BAIAP2L1: variants seen among roughly 807,000 people sequenced by gnomAD.
The protein encoded by BAIAP2L1 is BAR/IMD domain containing adaptor protein 2 like 1.
BAIAP2L1 carries 35 observed loss-of-function variants against 66.3 expected under a neutral mutation model. The ratio of observed to expected loss-of-function variants is 0.53; its 90% CI spans 0.40 to 0.70. BAIAP2L1 has a LOEUF of 0.70. Ranked by LOEUF, BAIAP2L1 falls within the 30% of genes least tolerant of loss-of-function variation. The pLI, the probability that BAIAP2L1 is intolerant of heterozygous loss-of-function variation, is 0.00. For synonymous variants in BAIAP2L1, 269 were observed against 248.7 expected (o/e 1.08, Z -0.77); for missense variants, 622 against 656.9 (o/e 0.95, Z 0.58).
At chr7:98,375,739 T>C (rs867929039) in intron 1 of BAIAP2L1, among the ~76,000 whole-genome samples, 5 of 98,950 alleles carry the variant, frequency 5.1e-5, no homozygotes, top group Non-Finnish European at 7.9e-5. Flanking sequence ...CGAAAGTCCA[T>C]CTCAAAAAAA....
intron 1 of BAIAP2L1, among the ~76,000 whole-genome samples, chr7:98,399,111 G>A (rs944314561): frequency 1.3e-5 from 2 of 152,130 alleles, no homozygotes; most frequent in South Asian, 4.1e-4. Flanking sequence ...CGTCTTCCGG[G>A]TCATTTAAAT....
At chr7:98,333,226 G>A (rs1340464095) in intron 3 of BAIAP2L1, among the ~76,000 whole-genome samples, 2 of 152,162 alleles carry the variant, frequency 1.3e-5, no homozygotes, top group African/African-American at 4.8e-5. Flanking sequence ...TTAGTTCCCT[G>A]ATGGCAGGGA....
chr7:98,345,289 C>T (rs1423754505), intron 3 of BAIAP2L1, among the ~76,000 whole-genome samples: 1 of 152,200 alleles, frequency 6.6e-6, no homozygotes, highest in Non-Finnish European at 1.5e-5. Flanking sequence ...ATTTGACTCT[C>T]AAGAACTTCA....
At chr7:98,362,583 A>G in intron 1 of BAIAP2L1, 151 bp from the exon 2 acceptor site, 1 of 659,484 alleles carries the variant, frequency 1.5e-6, no homozygotes. Context: ...AATGAAGCAC[A>G]CCTATTCCCT....
At chr7:98,392,711 G>A (rs1331509855) in intron 1 of BAIAP2L1, among the ~76,000 whole-genome samples, 1 of 152,118 alleles carries the variant, frequency 6.6e-6, no homozygotes, top group Non-Finnish European at 1.5e-5. Context: ...ACTGACATGG[G>A]GATATGTACG....
At chr7:98,328,679 C>CA (rs1158387861) in intron 3 of BAIAP2L1, among the ~76,000 whole-genome samples, 2,962 of 56,096 alleles carry the variant, frequency 0.053, 90 homozygotes, top group African/African-American at 0.13. Context: ...GATCCCATCT[C>CA]AAAAAAAAAA....
At position 98,292,251 on chromosome 7, in the gene BAIAP2L1, A is replaced by T; in HGVS notation, c.*1270T>A. Reference sequence around the variant, plus strand: ...TCACAGCCCCAGCACCCAGCAACACACACGGTGAGCGGCCGGGCTGGAGTG... The same window carrying T: ...TCACAGCCCCAGCACCCAGCAACACTCACGGTGAGCGGCCGGGCTGGAGTG... On this transcript the variant is annotated 3_prime_UTR_variant, in exon 14 of 14. Coordinates refer to ENST00000005260, the MANE Select transcript of BAIAP2L1 (RefSeq NM_018842.5). 1 of 261,458 alleles carries T rather than the reference A, an allele frequency of 3.8e-6. No homozygotes were observed. Among genetic ancestry groups the T allele is most frequent in the Non-Finnish European group, 7.6e-6 (1 of 132,036 alleles). The allele number at this position is 261,458 out of a possible 1,614,324, so 16.2% of individuals were successfully genotyped here.
At chr7:98,395,727 A>G (rs531752142) in intron 1 of BAIAP2L1, among the ~76,000 whole-genome samples, 6 of 152,300 alleles carry the variant, frequency 3.9e-5, no homozygotes, top group South Asian at 2.1e-4. Flanking sequence ...CTTATTTTTA[A>G]GCTGGAATAT....
At chr7:98,371,818 G>A (rs1198814294) in intron 1 of BAIAP2L1, among the ~76,000 whole-genome samples, 2 of 149,726 alleles carry the variant, frequency 1.3e-5, no homozygotes, top group African/African-American at 2.5e-5. Flanking sequence ...TTTCTGAGAC[G>A]GAGTCTCGCT....
At chr7:98,368,888 G>A (rs1480365587) in intron 1 of BAIAP2L1, among the ~76,000 whole-genome samples, 1 of 151,098 alleles carries the variant, frequency 6.6e-6, no homozygotes, top group Non-Finnish European at 1.5e-5. Context: ...GACCTGGCTT[G>A]TTTCCAGGTT....
chr7:98,350,762 C>T (rs1801982879), intron 3 of BAIAP2L1, among the ~76,000 whole-genome samples: 1 of 152,188 alleles, frequency 6.6e-6, no homozygotes, highest in South Asian at 2.1e-4. Flanking sequence ...GTGCTTAGAT[C>T]TCCCCTTCCC....
intron 12 of BAIAP2L1, among the ~76,000 whole-genome samples, chr7:98,296,894 C>G (rs1447883411): frequency 6.6e-6 from 1 of 152,218 alleles, no homozygotes; most frequent in Non-Finnish European, 1.5e-5. Flanking sequence ...GTCCCTGTCT[C>G]AACCGCATAC....
chr7:98,336,716 C>A (rs2115611713), intron 3 of BAIAP2L1, among the ~76,000 whole-genome samples: 1 of 152,358 alleles, frequency 6.6e-6, no homozygotes, highest in African/African-American at 2.4e-5. Context: ...CCTGCATAGG[C>A]ATCCAACATT....
intron 3 of BAIAP2L1, among the ~76,000 whole-genome samples, chr7:98,330,264 C>A (rs1421144260): frequency 6.6e-6 from 1 of 152,074 alleles, no homozygotes; most frequent in Non-Finnish European, 1.5e-5. Flanking sequence ...AAAAAGTGGG[C>A]AACGTGCAAG....
intron 1 of BAIAP2L1, among the ~76,000 whole-genome samples, chr7:98,362,976 C>T (rs955918004): frequency 3.3e-5 from 5 of 151,432 alleles, no homozygotes; most frequent in Non-Finnish European, 4.4e-5. Context: ...TTGCTGATGG[C>T]CCCAGGACAC....
intron 12 of BAIAP2L1, among the ~76,000 whole-genome samples, chr7:98,302,251 C>T (rs1800460029): frequency 6.6e-6 from 1 of 152,182 alleles, no homozygotes; most frequent in Non-Finnish European, 1.5e-5. Context: ...TTTATCCACA[C>T]GATAAATACG....
At chr7:98,363,641 C>A (rs990956771) in intron 1 of BAIAP2L1, among the ~76,000 whole-genome samples, 5 of 152,198 alleles carry the variant, frequency 3.3e-5, no homozygotes, top group African/African-American at 9.7e-5. Flanking sequence ...GACTTCACGA[C>A]TCACAACACG....
chr7:98,328,386 C>G (rs1220764038), intron 3 of BAIAP2L1, among the ~76,000 whole-genome samples: 1 of 152,142 alleles, frequency 6.6e-6, no homozygotes, highest in East Asian at 1.9e-4. Flanking sequence ...CCTCTTAGTA[C>G]CTGTGCATCC....
chr7:98,396,223 C>T (rs1444786451), intron 1 of BAIAP2L1, among the ~76,000 whole-genome samples: 1 of 152,060 alleles, frequency 6.6e-6, no homozygotes. Flanking sequence ...GCACGTACCA[C>T]CACACCCGGC....
Sources: gnomAD v4.1 joint callset for allele counts (sites outside exome capture counted in the v4.1 genomes callset) on GRCh38, gnomAD v4.1.1 for gene constraint, MANE v1.5 for transcripts, NCBI Gene and HGNC (gene_info 2026-07-23, HGNC 2026-07-21) for gene names.